TMEM87B: variants seen among roughly 807,000 people sequenced by gnomAD.
The protein encoded by TMEM87B is transmembrane protein 87B.
In TMEM87B, 83 loss-of-function variants were observed where a neutral mutation model predicts 80.3. The observed-to-expected ratio is 1.03, with a 90% CI of 0.87 to 1.24. The LOEUF is 1.24. TMEM87B is among the 50% of genes most tolerant of loss of function. The pLI is 0.00. For synonymous variants in TMEM87B, 219 were observed against 230.5 expected (o/e 0.95, Z 0.45); for missense variants, 625 against 674.4 (o/e 0.93, Z 0.81).
chr2:112,074,954 A>T lies in TMEM87B; in HGVS notation c.493A>T (p.Arg165Ter). 1 of 1,564,872 alleles carries T rather than the reference A, an allele frequency of 6.4e-7. No individual in the cohort carries two copies. Among genetic ancestry groups the T allele is most frequent in the African/African-American group, 1.4e-5 (1 of 71,660 alleles). ...TATCAGAAATGTTTCAAACCAGGAAAGATCAATGGTAAGCAGTTTGATTTG... is the reference window on the plus strand; with the variant it reads ...TATCAGAAATGTTTCAAACCAGGAATGATCAATGGTAAGCAGTTTGATTTG... ...INIRNVSNQE[R>*]SMDVVARTQK... The change falls in exon 5 of 19, where the codon AGA becomes TGA. Residue 165 changes from arginine (R) to a stop codon, truncating the protein, a stop_gained. Transcript: ENST00000283206. LOFTEE classifies it high-confidence loss of function.
chr2:112,104,284 AG>A (rs1483745153), intron 15 of TMEM87B, among the ~76,000 whole-genome samples: 8 of 152,240 alleles, frequency 5.3e-5, no homozygotes, highest in African/African-American at 1.7e-4. Context: ...TAAGAAGGCT[AG>A]CTACAGTGGG....
At chr2:112,076,174 C>T (rs1220053704) in intron 5 of TMEM87B, among the ~76,000 whole-genome samples, 1 of 152,010 alleles carries the variant, frequency 6.6e-6, no homozygotes, top group Non-Finnish European at 1.5e-5. Context: ...ATTGCTTGAA[C>T]CCAGGAGGCT....
chr2:112,115,971 A>T, intron 18 of TMEM87B, 113 bp from the exon 19 acceptor site: 1 of 719,152 alleles, frequency 1.4e-6, no homozygotes, highest in Non-Finnish European at 2.3e-6. Flanking sequence ...CATGTATATT[A>T]TGGAATATAT....
intron 11 of TMEM87B, among the ~76,000 whole-genome samples, chr2:112,096,801 C>T (rs1306108090): frequency 6.6e-6 from 1 of 152,182 alleles, no homozygotes; most frequent in Non-Finnish European, 1.5e-5. Flanking sequence ...CATGGGTCTT[C>T]CGTGTTTTTT....
intron 14 of TMEM87B, 68 bp downstream of exon 14, chr2:112,098,766 G>T (rs776568700): frequency 6.9e-7 from 1 of 1,446,896 alleles, no homozygotes; most frequent in Admixed American, 1.8e-5. Flanking sequence ...TCAAGAACAC[G>T]TTTATAGAAA....
At chr2:112,096,076 A>G (rs957748728) in intron 11 of TMEM87B, among the ~76,000 whole-genome samples, 1 of 148,268 alleles carries the variant, frequency 6.7e-6, no homozygotes, top group African/African-American at 2.5e-5. Flanking sequence ...CCCCTTCCCC[A>G]CTGGACTTAG....
At chr2:112,059,537 G>A (rs1384064314) in intron 1 of TMEM87B, among the ~76,000 whole-genome samples, 1 of 152,290 alleles carries the variant, frequency 6.6e-6, no homozygotes, top group East Asian at 1.9e-4. Flanking sequence ...GATTATTCAC[G>A]TCCTATAGGC....
At chr2:112,094,852 T>G (rs1355414664) in intron 11 of TMEM87B, among the ~76,000 whole-genome samples, 1 of 152,126 alleles carries the variant, frequency 6.6e-6, no homozygotes, top group Admixed American at 6.5e-5. Flanking sequence ...TCTTTGGTAA[T>G]TTTTATCACT....
intron 10 of TMEM87B, 94 bp from the exon 11 acceptor site, chr2:112,091,618 G>A: frequency 2.3e-6 from 2 of 855,388 alleles, no homozygotes; most frequent in African/African-American, 1.7e-5. Flanking sequence ...AAAGTAATGA[G>A]ATAAGCTAAA....
intron 3 of TMEM87B, among the ~76,000 whole-genome samples, chr2:112,066,656 T>C (rs560006857): frequency 6.6e-6 from 1 of 152,376 alleles, no homozygotes; most frequent in South Asian, 2.1e-4. Context: ...CTCTGGGAAC[T>C]ATTTCATTGT....
Position 112,086,114 on chromosome 2 carries a change from G to A in TMEM87B, c.938+10G>A. On this transcript the variant is annotated intron_variant, in intron 9 of 18. Coordinates refer to ENST00000283206, the MANE Select transcript of TMEM87B (RefSeq NM_032824.3). ...GCTATGGCATTGTGAAGTAAGTACT[G>A]GCGTGTGGGAAAAATGCTGGGTCCC... 1 of 1,611,274 alleles carries A rather than the reference G, an allele frequency of 6.2e-7. No individual in the cohort carries two copies. The highest frequency in any genetic ancestry group is 8.5e-7 in the Non-Finnish European group (1 of 1,177,884).
chr2:112,097,060 C>T lies in TMEM87B; in HGVS notation c.1121C>T (p.Ala374Val). ...TTTTTTCACATTTTTATTAGTTTGG[C>T]ACAAACTATGAAGACCCTAAGGCTA... is the stretch of plus-strand genomic sequence containing the variant. ...IFVWFIFISL[A>V]QTMKTLRLRK... Residue 374 changes from alanine (A) to valine (V), a missense_variant, in exon 12 of 19, where the codon GCA (alanine) becomes GTA (valine). Transcript: ENST00000283206. 1 of 1,590,064 alleles carries T rather than the reference C, an allele frequency of 6.3e-7. No homozygotes were observed. Among genetic ancestry groups the T allele is most frequent in the East Asian group, 2.2e-5 (1 of 44,470 alleles).
chr2:112,066,689 T>C (rs1308336714), intron 3 of TMEM87B, among the ~76,000 whole-genome samples: 1 of 152,252 alleles, frequency 6.6e-6, no homozygotes, highest in Middle Eastern at 3.2e-3. Context: ...AGTTTTCTTA[T>C]TGTAAGTGTG....
At chr2:112,083,318 G>A (rs1259345003) in intron 8 of TMEM87B, among the ~76,000 whole-genome samples, 1 of 152,220 alleles carries the variant, frequency 6.6e-6, no homozygotes, top group Non-Finnish European at 1.5e-5. Flanking sequence ...AAGAGTTCAT[G>A]GAGATAATCA....
chr2:112,070,089 T>C (rs1338784980), intron 4 of TMEM87B, among the ~76,000 whole-genome samples: 1 of 152,190 alleles, frequency 6.6e-6, no homozygotes, highest in Non-Finnish European at 1.5e-5. Flanking sequence ...GTCAGATGCA[T>C]AGCTTGCAAA....
intron 1 of TMEM87B, among the ~76,000 whole-genome samples, chr2:112,057,717 TA>T (rs1280827086): frequency 6.6e-6 from 1 of 152,152 alleles, no homozygotes; most frequent in African/African-American, 2.4e-5. Flanking sequence ...ATAATACGGA[TA>T]ACAGATTTAT....
chr2:112,088,207 C>T (rs1455833498), intron 9 of TMEM87B, among the ~76,000 whole-genome samples: 1 of 152,180 alleles, frequency 6.6e-6, no homozygotes, highest in African/African-American at 2.4e-5. Flanking sequence ...GTTCTTAGTA[C>T]AGTGTAGGAA....
Position 112,078,369 on chromosome 2 carries a change from C to A in TMEM87B, c.592+1087C>A, listed in dbSNP as rs184850397. Among the ~76,000 whole-genome samples the A allele has an allele frequency of 3.3e-3, 506 of 152,248 alleles. 2 individuals are homozygous for A. The highest frequency in any genetic ancestry group is 0.012 in the African/African-American group (487 of 41,534). ...AAGATGGCACCTTAAACGATGTGTT[C>A]TCACATGGCAGAAAGGATAGAAGGG... On this transcript the variant is annotated intron_variant, in intron 6 of 18. Coordinates refer to ENST00000283206, the MANE Select transcript of TMEM87B (RefSeq NM_032824.3).
At chr2:112,088,978 C>T (rs1259721169) in intron 9 of TMEM87B, among the ~76,000 whole-genome samples, 1 of 152,176 alleles carries the variant, frequency 6.6e-6, no homozygotes, top group Non-Finnish European at 1.5e-5. Context: ...CCAGTTTGGT[C>T]TCGAACTCCT....
Sources: allele counts gnomAD v4.1 joint callset (sites outside exome capture counted in the v4.1 genomes callset), GRCh38; gene constraint gnomAD v4.1.1; transcripts MANE v1.5; gene names NCBI Gene and HGNC (gene_info 2026-07-23, HGNC 2026-07-21).